Variants in ZNF771 observed in about 807,000 individuals in gnomAD.
The protein encoded by ZNF771 is zinc finger protein 771.
ZNF771 carries 10 observed loss-of-function variants against 27.6 expected under a neutral mutation model. That is an observed-to-expected ratio of 0.36 (90% CI 0.22 to 0.61). The LOEUF is 0.61. Ranked by LOEUF, ZNF771 falls within the 20% of genes least tolerant of loss-of-function variation. ZNF771 has a pLI of 0.70. For missense variants in ZNF771, 438 were observed against 503.7 expected, an observed-to-expected ratio of 0.87 and a Z score of 1.25; for synonymous variants, 261 against 225.2, an observed-to-expected ratio of 1.16 and a Z score of -1.43.
In ZNF771 at chr16:30,418,433, T is replaced by C; in HGVS notation, c.*66T>C. The C allele has an allele frequency of 7.5e-7, 1 of 1,331,418 alleles. No homozygotes were observed. Among genetic ancestry groups the C allele is most frequent in the Non-Finnish European group, 9.6e-7 (1 of 1,038,974 alleles). 82.5% of individuals were successfully genotyped at this position (1,331,418 alleles called of 1,614,324 possible). A position where few individuals can be genotyped will look rare whatever the true frequency, so the allele number is the denominator to read the frequency against. On this transcript the variant is annotated 3_prime_UTR_variant, in exon 3 of 3. Coordinates refer to ENST00000319296, the MANE Select transcript of ZNF771 (RefSeq NM_001142305.2). ...TGGCTGCACTAACCCAGGCTCCTCCTCGCCCCGGCCTCCGGGTCTGGGAAA... is the reference window on the plus strand; with the variant it reads ...TGGCTGCACTAACCCAGGCTCCTCCCCGCCCCGGCCTCCGGGTCTGGGAAA...
chr16:30,415,206 C>T (rs1223356661), intron 2 of ZNF771, among the ~76,000 whole-genome samples: 1 of 151,684 alleles, frequency 6.6e-6, no homozygotes, highest in African/African-American at 2.4e-5. Flanking sequence ...GATCCGCCCA[C>T]CTCGATCTCC....
chr16:30,410,134 C>T (rs1209928060), intron 2 of ZNF771, among the ~76,000 whole-genome samples: 1 of 150,142 alleles, frequency 6.7e-6, no homozygotes, highest in Non-Finnish European at 1.5e-5. Context: ...GACGGAGTCT[C>T]ACTATGTCGC....
chr16:30,417,172 T>C (rs988615965), intron 2 of ZNF771, among the ~76,000 whole-genome samples: 1 of 152,226 alleles, frequency 6.6e-6, no homozygotes, highest in Non-Finnish European at 1.5e-5. Context: ...ATCATATCGG[T>C]AAAGTGTCTT....
At chr16:30,414,679 C>T (rs1197676229) in intron 2 of ZNF771, 1 of 152,034 alleles carries the variant, frequency 6.6e-6, no homozygotes, top group African/African-American at 2.4e-5. Flanking sequence ...GAGTCTCGCT[C>T]TGTTGCCCAG....
At chr16:30,409,388 AG>A (rs1320115739) in intron 2 of ZNF771, among the ~76,000 whole-genome samples, 2 of 152,142 alleles carry the variant, frequency 1.3e-5, no homozygotes, top group Non-Finnish European at 2.9e-5. Flanking sequence ...CAGGCCACAC[AG>A]GGAGTCTGGC....
chr16:30,417,987 C>T lies in ZNF771; in HGVS notation c.574C>T (p.Arg192Cys). ...CTTTGGCGGCAGCTCGTGCCTGGCGCGCCACCGACGCACGCACACGGGCGA... is the reference window on the plus strand; with the variant it reads ...CTTTGGCGGCAGCTCGTGCCTGGCGTGCCACCGACGCACGCACACGGGCGA... The part of the protein sequence containing the change: ...RAFGGSSCLA[R>C]HRRTHTGERP... Residue 192 changes from arginine (R) to cysteine (C), a missense_variant, in exon 3 of 3, where the codon CGC becomes TGC. This residue lies in a region of ZNF771 where 305 missense variants were observed against 308.0 expected (regional missense o/e 0.99). Coordinates refer to ENST00000319296, the MANE Select transcript of ZNF771 (RefSeq NM_001142305.2). 1 of 1,462,414 alleles carries T rather than the reference C, an allele frequency of 6.8e-7. No homozygotes were observed. The highest frequency in any genetic ancestry group is 8.9e-7 in the Non-Finnish European group (1 of 1,118,048). 90.6% of individuals were successfully genotyped at this position (1,462,414 alleles called of 1,614,324 possible).
At chr16:30,415,572 G>A (rs949025541) in intron 2 of ZNF771, among the ~76,000 whole-genome samples, 66 of 151,584 alleles carry the variant, frequency 4.4e-4, no homozygotes, top group African/African-American at 1.4e-3. Flanking sequence ...TAGTAGAGAC[G>A]GGGTTTCAAC....
chr16:30,418,579 A>C lies in ZNF771; in HGVS notation c.*212A>C, dbSNP rs1394561277. 2.0e-6 allele frequency: 1 copy of C among 490,906 alleles called. No individual in the cohort carries two copies. Among genetic ancestry groups the C allele is most frequent in the African/African-American group, 2.0e-5 (1 of 49,204 alleles). The allele number at this position is 490,906 out of a possible 1,614,324, so 30.4% of individuals were successfully genotyped here. On this transcript the variant is annotated 3_prime_UTR_variant, in exon 3 of 3. Transcript: ENST00000319296. Reference sequence around the variant, plus strand: ...ATTCCCTCGGCCCGTGTTAGTGAATAAAGTATTATATCCTCACCCCACCCG... The same window carrying C: ...ATTCCCTCGGCCCGTGTTAGTGAATCAAGTATTATATCCTCACCCCACCCG...
rs1240908705 is a variant in ZNF771, at chr16:30,418,648, C to T, written c.*281C>T. On this transcript the variant is annotated 3_prime_UTR_variant, in exon 3 of 3. Transcript: ENST00000319296. ...GTGGGAGAGGAAGAAAGTTGGGGTT[C>T]TCCAGGCTCAGGTGCCAAGTGAGTT... 5.2e-6 allele frequency: 2 copies of T among 385,042 alleles called. No homozygotes were observed. Among genetic ancestry groups the T allele is most frequent in the Non-Finnish European group, 9.2e-6 (2 of 217,812 alleles). 23.9% of individuals were successfully genotyped at this position (385,042 alleles called of 1,614,324 possible).
chr16:30,415,992 A>G (rs1230649202), intron 2 of ZNF771, among the ~76,000 whole-genome samples: 1 of 152,170 alleles, frequency 6.6e-6, no homozygotes, highest in Non-Finnish European at 1.5e-5. Flanking sequence ...TTTATCTCTA[A>G]AAGGCCAGAG....
chr16:30,417,549 C>T lies in ZNF771; in HGVS notation c.142-6C>T. ...TAAGGGCTGACCTATCCCCCTCTCCCCGCAGGTCCCGGGCGAGGCGCCCGC... is the reference window on the plus strand; with the variant it reads ...TAAGGGCTGACCTATCCCCCTCTCCTCGCAGGTCCCGGGCGAGGCGCCCGC... On this transcript the variant is annotated splice_polypyrimidine_tract_variant and splice_region_variant and intron_variant, in intron 2 of 2. Transcript: ENST00000319296. The T allele has an allele frequency of 8.2e-7, 1 of 1,217,618 alleles. No homozygotes were observed. The highest frequency in any genetic ancestry group is 1.0e-6 in the Non-Finnish European group (1 of 980,118). The allele number at this position is 1,217,618 out of a possible 1,614,324, so 75.4% of individuals were successfully genotyped here.
intron 2 of ZNF771, among the ~76,000 whole-genome samples, chr16:30,411,662 A>G (rs1309997400): frequency 6.6e-6 from 1 of 152,158 alleles, no homozygotes; most frequent in Non-Finnish European, 1.5e-5. Flanking sequence ...CAAGGTGACT[A>G]GATTTGGAGG....
intron 2 of ZNF771, among the ~76,000 whole-genome samples, chr16:30,408,973 A>AT (rs371238671): frequency 6.3e-4 from 93 of 148,754 alleles, no homozygotes; most frequent in African/African-American, 1.4e-3. Flanking sequence ...CACCTGGCTA[A>AT]TTTTTTTTTG....
intron 2 of ZNF771, among the ~76,000 whole-genome samples, chr16:30,410,507 G>A (rs975292367): frequency 2.6e-5 from 4 of 152,126 alleles, no homozygotes; most frequent in East Asian, 1.9e-4. Flanking sequence ...CAAGGCAGTG[G>A]GGAAGGCTTC....
intron 2 of ZNF771, among the ~76,000 whole-genome samples, chr16:30,410,193 A>C (rs1160916556): frequency 6.6e-6 from 1 of 150,888 alleles, no homozygotes; most frequent in African/African-American, 2.4e-5. Flanking sequence ...ACCTCCACCT[A>C]CCGGGTTCAT....
chr16:30,410,952 G>C lies in ZNF771; in HGVS notation c.141+2758G>C, dbSNP rs1401285354. 2.6e-5 allele frequency among the ~76,000 whole-genome samples: 4 copies of C among 151,324 alleles called. No homozygotes were observed. In the East Asian group the frequency reaches 7.7e-4, roughly 29 times the overall value. On this transcript the variant is annotated intron_variant, in intron 2 of 2. Transcript: ENST00000319296. ...CTCTGGAGGCTGAATGATCCCAGGA[G>C]TTCAAGGCTGCAGTGAGCCATGACT...
intron 2 of ZNF771, among the ~76,000 whole-genome samples, chr16:30,411,665 T>C (rs2050104425): frequency 6.6e-6 from 1 of 152,054 alleles, no homozygotes; most frequent in Non-Finnish European, 1.5e-5. Context: ...GGTGACTAGA[T>C]TTGGAGGAGA....
At chr16:30,415,157 C>T (rs373276513) in intron 2 of ZNF771, among the ~76,000 whole-genome samples, 3 of 151,408 alleles carry the variant, frequency 2.0e-5, no homozygotes, top group East Asian at 3.9e-4. Context: ...AGGGTTTCAC[C>T]ATGTTGGCCA....
At chr16:30,409,567 A>G (rs1018779064) in intron 2 of ZNF771, among the ~76,000 whole-genome samples, 4 of 152,192 alleles carry the variant, frequency 2.6e-5, no homozygotes, top group Non-Finnish European at 5.9e-5. Flanking sequence ...CTTTGGCCCC[A>G]GGGACCCAGC....
Sources: allele counts gnomAD v4.1 joint callset (sites outside exome capture counted in the v4.1 genomes callset), GRCh38; gene constraint gnomAD v4.1.1; regional missense constraint gnomAD v4.1.1; transcripts MANE v1.5; gene names NCBI Gene and HGNC (gene_info 2026-07-23, HGNC 2026-07-21).